Variants in KCNC1 observed in about 807,000 individuals in gnomAD.
KCNC1 encodes the protein potassium voltage-gated channel subfamily C member 1.
KCNC1 carries 8 observed loss-of-function variants against 43.4 expected under a neutral mutation model. That is an observed-to-expected ratio of 0.18 (90% confidence interval 0.11 to 0.33). The LOEUF (loss-of-function observed/expected upper bound fraction) is 0.33, where lower values mean the gene tolerates loss of function less well. KCNC1 is among the 10% of genes least tolerant of loss of function. The pLI is 1.00. For synonymous variants in KCNC1, 361 were observed against 360.5 expected (o/e 1.00, Z -0.01); for missense variants, 420 against 836.0 (o/e 0.50, Z 6.14).
intron 2 of KCNC1, chr11:17,774,733 T>C (rs867793134): frequency 8.7e-5 from 86 of 985,322 alleles, no homozygotes; most frequent in Non-Finnish European, 9.9e-5. Context: ...GAGGAAGTAT[T>C]TGGGGCCCTC....
Position 17,762,756 on chromosome 11 carries a change from T to C in KCNC1, c.571-8909T>C, listed in dbSNP as rs141526303. ...ATGCTCCTGGAGAACGTGGTTCCCC[T>C]CTCTGGTCCTGCTGAGTGCTCTGCA... On this transcript the variant is annotated intron_variant, in intron 1 of 3. Coordinates refer to ENST00000265969, the MANE Select transcript of KCNC1 (RefSeq NM_001112741.2). 4.1e-4 allele frequency among the ~76,000 whole-genome samples: 62 copies of C among 152,238 alleles called. 1 individual carries two copies. The East Asian group carries it at 0.01, about 25-fold the overall frequency.
intron 1 of KCNC1, among the ~76,000 whole-genome samples, chr11:17,763,356 T>A (rs903981862): frequency 1.3e-4 from 20 of 151,784 alleles, no homozygotes; most frequent in African/African-American, 4.1e-4. Flanking sequence ...GGAGTGACCA[T>A]CTCTGGCATA....
Position 17,772,570 on chromosome 11 carries a change from G to C in KCNC1, c.1476G>C (p.Gln492His). ...AGAGTGACACATGTCCGCTGGCCCA[G>C]GAAGAAATTTTAGAAATTAACAGAG... is the stretch of plus-strand genomic sequence containing the variant. The part of the protein sequence containing the change: ...STQSDTCPLA[Q>H]EEILEINRAD... The change falls in exon 2 of 4, where the codon CAG (glutamine) becomes CAC (histidine). Residue 492 changes from glutamine (Q) to histidine (H), a missense_variant. By Grantham distance (24) the Gln-to-His change is conservative. Around this residue, in one of 5 missense-constraint regions of KCNC1, gnomAD observed 147 missense variants for 176.1 expected, o/e 0.83. Transcript: ENST00000265969. The C allele has an allele frequency of 6.2e-7, 1 of 1,613,120 alleles. No individual in the cohort carries two copies. Among genetic ancestry groups the C allele is most frequent in the Non-Finnish European group, 8.5e-7 (1 of 1,179,326 alleles).
At chr11:17,780,059 T>G (rs1849329049) in intron 3 of KCNC1, 1 of 159,600 alleles carries the variant, frequency 6.3e-6, no homozygotes, top group East Asian at 1.8e-4. Context: ...CAGGACCCTG[T>G]GAACTTAGCT....
Position 17,779,391 on chromosome 11 carries a change from G to C in KCNC1, c.1505-65G>C, listed in dbSNP as rs1324904094. 1 of 1,337,086 alleles carries C rather than the reference G, an allele frequency of 7.5e-7. No homozygotes were observed. Among genetic ancestry groups the C allele is most frequent in the African/African-American group, 1.5e-5 (1 of 66,234 alleles). 82.8% of individuals were successfully genotyped at this position (1,337,086 alleles called of 1,614,324 possible). On this transcript the variant is annotated intron_variant, in intron 2 of 3. Coordinates refer to ENST00000265969, the MANE Select transcript of KCNC1 (RefSeq NM_001112741.2). This position sits in a 1 kb window ranked among gnomAD's most constrained non-coding sequence, Gnocchi z 7.2. Reference sequence around the variant, plus strand: ...TCTGCCAATACCCCGCTTCTGGCCTGTCCCCCCCTGCCCCCCACTAAACAG... The same window carrying C: ...TCTGCCAATACCCCGCTTCTGGCCTCTCCCCCCCTGCCCCCCACTAAACAG...
chr11:17,749,735 G>C (rs992210385), intron 1 of KCNC1, among the ~76,000 whole-genome samples: 1 of 152,194 alleles, frequency 6.6e-6, no homozygotes, highest in Non-Finnish European at 1.5e-5. Context: ...ATCTGCTGAG[G>C]GTCAGTCCTA....
chr11:17,774,431 C>G, intron 2 of KCNC1: 1 of 985,562 alleles, frequency 1.0e-6, no homozygotes, highest in Non-Finnish European at 1.2e-6. Flanking sequence ...CCTGGGCCAG[C>G]CAGTCAAGAA....
chr11:17,758,682 C>G (rs771229395), intron 1 of KCNC1, among the ~76,000 whole-genome samples: 9 of 152,284 alleles, frequency 5.9e-5, no homozygotes, highest in Non-Finnish European at 7.4e-5. Flanking sequence ...CTTGGGTGAC[C>G]AGGTGCATTG....
chr11:17,780,722 A>G, intron 3 of KCNC1: 1 of 152,486 alleles, frequency 6.6e-6, no homozygotes, highest in Non-Finnish European at 1.5e-5. Flanking sequence ...AGAAAACAGA[A>G]TGCAAAAGCA....
At chr11:17,740,769 CT>C (rs1848830840) in intron 1 of KCNC1, among the ~76,000 whole-genome samples, 1 of 152,184 alleles carries the variant, frequency 6.6e-6, no homozygotes, top group Non-Finnish European at 1.5e-5. Flanking sequence ...CTGCCTGCCT[CT>C]CCTCTGACCC....
Position 17,775,190 on chromosome 11 carries a change from T to C in KCNC1, c.1504+2592T>C, listed in dbSNP as rs183703186. ...CAGTCTCACTGTACCCCCAAGGCAG[T>C]CTAGTGGCCTCGCCAAAACCTGAGC... On this transcript the variant is annotated intron_variant, in intron 2 of 3. Transcript: ENST00000265969. 2.8e-5 allele frequency: 28 copies of C among 985,508 alleles called. No individual in the cohort carries two copies. In the South Asian group the frequency reaches 5.2e-4, roughly 18 times the overall value. The allele number at this position is 985,508 out of a possible 1,614,324, so 61.0% of individuals were successfully genotyped here. A position where few individuals can be genotyped will look rare whatever the true frequency, so the allele number is the denominator to read the frequency against.
At position 17,776,549 on chromosome 11, in the gene KCNC1, G is replaced by C; in HGVS notation, c.1505-2907G>C. 1.0e-6 allele frequency: 1 copy of C among 985,494 alleles called. No homozygotes were observed. The highest frequency in any genetic ancestry group is 1.2e-6 in the Non-Finnish European group (1 of 829,988). The allele number at this position is 985,494 out of a possible 1,614,324, so 61.0% of individuals were successfully genotyped here. A position where few individuals can be genotyped will look rare whatever the true frequency, so the allele number is the denominator to read the frequency against. On this transcript the variant is annotated intron_variant, in intron 2 of 3. Coordinates refer to ENST00000265969, the MANE Select transcript of KCNC1 (RefSeq NM_001112741.2). The surrounding 1 kb of genome is among the most constrained non-coding windows in gnomAD (Gnocchi z 4.4). ...TTTAAAAAAAAATGACCCTCTCGCA[G>C]ATGCTCATCTCAGCCCATTTCAAGC...
chr11:17,741,434 G>T (rs574068348), intron 1 of KCNC1, among the ~76,000 whole-genome samples: 1 of 152,214 alleles, frequency 6.6e-6, no homozygotes, highest in South Asian at 2.1e-4. Context: ...ACTGTTGGTT[G>T]TATTATCATT....
Position 17,773,149 on chromosome 11 carries a change from A to T in KCNC1, c.1504+551A>T, listed in dbSNP as rs556961152. On this transcript the variant is annotated intron_variant, in intron 2 of 3. Transcript: ENST00000265969. The surrounding 1 kb of genome is among the most constrained non-coding windows in gnomAD (Gnocchi z 4.1). ...CCGGCAGAGCCTGTCTCCATAGCTG[A>T]GTAGAATTCCTGCCCTGATTTCGGG... The T allele has an allele frequency of 1.0e-6, 1 of 987,798 alleles. No homozygotes were observed. The highest frequency in any genetic ancestry group is 1.1e-4 in the East Asian group (1 of 8,830). 61.2% of individuals were successfully genotyped at this position (987,798 alleles called of 1,614,324 possible). A position where few individuals can be genotyped will look rare whatever the true frequency, so the allele number is the denominator to read the frequency against.
Position 17,779,658 on chromosome 11 carries a change from G to C in KCNC1, c.1693+14G>C. The C allele has an allele frequency of 6.6e-7, 1 of 1,511,202 alleles. No individual in the cohort carries two copies. The highest frequency in any genetic ancestry group is 8.9e-7 in the Non-Finnish European group (1 of 1,124,968). The allele number at this position is 1,511,202 out of a possible 1,614,324, so 93.6% of individuals were successfully genotyped here. On this transcript the variant is annotated intron_variant, in intron 3 of 3. Coordinates refer to ENST00000265969, the MANE Select transcript of KCNC1 (RefSeq NM_001112741.2). This position sits in a 1 kb window ranked among gnomAD's most constrained non-coding sequence, Gnocchi z 7.2. Reference sequence around the variant, plus strand: ...GAATGAGAAAGGGTATGTAGAGGAAGCTGGAGCACCGTGCATCGTCCGGGC... The same window carrying C: ...GAATGAGAAAGGGTATGTAGAGGAACCTGGAGCACCGTGCATCGTCCGGGC...
intron 1 of KCNC1, among the ~76,000 whole-genome samples, chr11:17,763,153 C>T (rs1013524576): frequency 3.3e-5 from 5 of 152,232 alleles, no homozygotes; most frequent in East Asian, 1.9e-4. Context: ...TCTCTTTGGA[C>T]GTCTGCGCCG....
chr11:17,759,589 C>A (rs1388762574), intron 1 of KCNC1, among the ~76,000 whole-genome samples: 1 of 152,094 alleles, frequency 6.6e-6, no homozygotes, highest in Non-Finnish European at 1.5e-5. Flanking sequence ...TTTCACTAGA[C>A]CACCTAGAGA....
rs1412707421 is a variant in KCNC1, at chr11:17,735,653, G to A, written c.-350G>A. The A allele has an allele frequency of 5.3e-5, 5 of 94,048 alleles. No individual in the cohort carries two copies. Among genetic ancestry groups the A allele is most frequent in the African/African-American group, 2.2e-4 (5 of 22,616 alleles). The allele number at this position is 94,048 out of a possible 1,614,324, so 5.8% of individuals were successfully genotyped here. A position where few individuals can be genotyped will look rare whatever the true frequency, so the allele number is the denominator to read the frequency against. ...CCTCCCGGGGCTCGCTGCTGAGCCC[G>A]CCCCCCTCCCTCTTTCCCCCTCACT... is the stretch of plus-strand genomic sequence containing the variant. On this transcript the variant is annotated 5_prime_UTR_variant, in exon 1 of 4. Transcript: ENST00000265969. The surrounding 1 kb of genome is among the most constrained non-coding windows in gnomAD (Gnocchi z 6.7).
Position 17,777,251 on chromosome 11 carries a change from A to AC in KCNC1, c.1505-2199dup. ...ACAGAGGCAGAGGCAGAGAGAAGGC[A>AC]CCCCCCTCTGACCCACCCCTCCCCA... On this transcript the variant is annotated intron_variant, in intron 2 of 3. Transcript: ENST00000265969. The surrounding 1 kb of genome is among the most constrained non-coding windows in gnomAD (Gnocchi z 4.3). 1 of 984,358 alleles carries AC rather than the reference A, an allele frequency of 1.0e-6. No individual in the cohort carries two copies. The allele number at this position is 984,358 out of a possible 1,614,324, so 61.0% of individuals were successfully genotyped here. A position where few individuals can be genotyped will look rare whatever the true frequency, so the allele number is the denominator to read the frequency against.
Sources: allele counts gnomAD v4.1 joint callset (sites outside exome capture counted in the v4.1 genomes callset), GRCh38; gene constraint gnomAD v4.1.1; regional missense constraint gnomAD v4.1.1; non-coding constraint Gnocchi (gnomAD v3.1); transcripts MANE v1.5; gene names NCBI Gene and HGNC (gene_info 2026-07-23, HGNC 2026-07-21).